FCRL4: variants seen among roughly 807,000 people sequenced by gnomAD.
FCRL4 encodes Fc receptor like 4.
FCRL4 carries 43 observed loss-of-function variants against 64.1 expected under a neutral mutation model. That is an observed-to-expected ratio of 0.67 (90% confidence interval 0.53 to 0.87). The LOEUF is 0.87. FCRL4 is among the 40% of genes least tolerant of loss of function. The pLI is 0.00. For missense variants in FCRL4, 656 were observed against 613.5 expected, an observed-to-expected ratio of 1.07 and a Z score of -0.73; for synonymous variants, 253 against 239.8, an observed-to-expected ratio of 1.05 and a Z score of -0.51.
In FCRL4 at chr1:157,574,496, T is replaced by C. The variant is rs530539737; in HGVS notation, c.*1028A>G. The C allele has an allele frequency of 9.0e-5, 19 of 210,730 alleles. No homozygotes were observed. In the East Asian group the frequency reaches 1.4e-3, roughly 15 times the overall value. 13.1% of individuals were successfully genotyped at this position (210,730 alleles called of 1,614,324 possible). On this transcript the variant is annotated 3_prime_UTR_variant, in exon 12 of 12. Coordinates refer to ENST00000271532, the MANE Select transcript of FCRL4 (RefSeq NM_031282.3). ...TTTAACCAGTAGGTGTATCATGAAATATCCATACAAATTTGTGGCTTCCTA... is the reference window on the plus strand; with the variant it reads ...TTTAACCAGTAGGTGTATCATGAAACATCCATACAAATTTGTGGCTTCCTA...
chr1:157,580,195 T>C lies in FCRL4; in HGVS notation c.1277+126A>G. The C allele has an allele frequency of 3.1e-6, 3 of 983,308 alleles. No individual in the cohort carries two copies. In the Admixed American group the frequency reaches 5.7e-5, roughly 19 times the overall value. 60.9% of individuals were successfully genotyped at this position (983,308 alleles called of 1,614,324 possible). On this transcript the variant is annotated intron_variant, in intron 8 of 11. Coordinates refer to ENST00000271532, the MANE Select transcript of FCRL4 (RefSeq NM_031282.3). ...CTTCATTTTTGACAAATTCATGGAG[T>C]GTGAAAATGGAAGTATCTAGCCACA...
At chr1:157,588,188 CA>C in intron 3 of FCRL4, 69 bp from the exon 4 acceptor site, 1 of 1,512,354 alleles carries the variant, frequency 6.6e-7, no homozygotes, top group Non-Finnish European at 8.8e-7. Flanking sequence ...TCTTGAATTA[CA>C]AAGGCTTTAT....
Position 157,587,319 on chromosome 1 carries a change from A to C in FCRL4, c.804T>G (p.Gly268=). The change falls in exon 5 of 12, where the codon GGT becomes GGG. Residue 268 remains glycine, a synonymous_variant. Coordinates refer to ENST00000271532, the MANE Select transcript of FCRL4 (RefSeq NM_031282.3). The part of the protein sequence containing the change: ...SYWCGAETVR[G]NIHKHSPSLQ... The stretch of plus-strand genomic sequence containing the variant: ...GCGAGGGACTGTGCTTGTGGATGTT[A>C]CCCCTCACTGTTTCAGCACCACACC... 1 of 1,614,166 alleles carries C rather than the reference A, an allele frequency of 6.2e-7. No homozygotes were observed. Among genetic ancestry groups the C allele is most frequent in the Non-Finnish European group, 8.5e-7 (1 of 1,180,020 alleles).
chr1:157,575,596 G>A lies in FCRL4; in HGVS notation c.1476C>T (p.Val492=). 6.2e-7 allele frequency: 1 copy of A among 1,613,496 alleles called. No individual in the cohort carries two copies. The highest frequency in any genetic ancestry group is 1.7e-5 in the Admixed American group (1 of 60,020). Residue 492 remains valine, a synonymous_variant, in exon 12 of 12, where the codon GTC becomes GTT. Transcript: ENST00000271532. ...TLLEDKDVSV[V]YSEVKTQHPD... ...GGTGTTGTGTCTTTACCTCAGAGTA[G>A]ACAACTGAGACATCCTGAAATGGAA... is the stretch of plus-strand genomic sequence containing the variant.
chr1:157,593,194 C>A (rs1018422700), intron 2 of FCRL4, among the ~76,000 whole-genome samples: 7 of 152,032 alleles, frequency 4.6e-5, no homozygotes, highest in Non-Finnish European at 1.0e-4. Flanking sequence ...AGGTAACAAA[C>A]CTGCATGTTG....
intron 4 of FCRL4, 67 bp from the exon 5 acceptor site, chr1:157,587,627 G>T: frequency 3.3e-6 from 5 of 1,518,482 alleles, no homozygotes; most frequent in Non-Finnish European, 4.5e-6. Context: ...AGACAGGTTT[G>T]GATGCTCAGT....
At chr1:157,575,964 C>A (rs1652402708) in intron 10 of FCRL4, among the ~76,000 whole-genome samples, 1 of 152,164 alleles carries the variant, frequency 6.6e-6, no homozygotes, top group South Asian at 2.1e-4. Context: ...TCCATCAATA[C>A]CACACTAAGA....
intron 2 of FCRL4, among the ~76,000 whole-genome samples, chr1:157,594,872 G>A (rs557708329): frequency 3.1e-4 from 47 of 152,078 alleles, no homozygotes; most frequent in Middle Eastern, 3.2e-3. Flanking sequence ...TGTTTGGTAA[G>A]GTGAAACATC....
rs200058956 is a variant in FCRL4 at position 157,588,005 on chromosome 1, T to C, written c.422A>G (p.Asn141Ser). ...LTAVKYTWNG[N>S]ILSISNKSWD... Reference sequence around the variant, plus strand: ...GCTTTTATTAGAAATGGAAAGAATGTTTCCATTCCAAGTATATTTCACAGC... The same window carrying C: ...GCTTTTATTAGAAATGGAAAGAATGCTTCCATTCCAAGTATATTTCACAGC... Residue 141 changes from asparagine to serine, a missense_variant, in exon 4 of 12, where the codon AAC becomes AGC. Asn to Ser is a conservative substitution (Grantham distance 46). Coordinates refer to ENST00000271532, the MANE Select transcript of FCRL4 (RefSeq NM_031282.3). 3 of 1,613,154 alleles carry C rather than the reference T, an allele frequency of 1.9e-6. No homozygotes were observed. The highest frequency in any genetic ancestry group is 2.5e-6 in the Non-Finnish European group (3 of 1,179,598).
At chr1:157,580,865 A>G (rs189192701) in intron 7 of FCRL4, among the ~76,000 whole-genome samples, 148 of 152,344 alleles carry the variant, frequency 9.7e-4, no homozygotes, top group African/African-American at 3.2e-3. Flanking sequence ...GAGCTGAAAA[A>G]GGTTCTGCTC....
chr1:157,581,643 C>A lies in FCRL4; in HGVS notation c.1137G>T (p.Glu379Asp), dbSNP rs755630731. 6.2e-7 allele frequency: 1 copy of A among 1,612,668 alleles called. No individual in the cohort carries two copies. Among genetic ancestry groups the A allele is most frequent in the South Asian group, 1.1e-5 (1 of 90,980 alleles). ...CAAGGCCATCTCTGTTGCCTGGGGTCTCTAAGGGGAAAGGACCTGTGTGAA... is the reference window on the plus strand; with the variant it reads ...CAAGGCCATCTCTGTTGCCTGGGGTATCTAAGGGGAAAGGACCTGTGTGAA... ...QSMVLNVTVRETPGNRDGLVA... is the reference protein window; with the variant it reads ...QSMVLNVTVRDTPGNRDGLVA... Residue 379 changes from glutamate (E) to aspartate (D), a missense_variant and splice_region_variant, in exon 7 of 12, where the codon GAG (glutamate) becomes GAT (aspartate). Glu to Asp is a conservative substitution (Grantham distance 45, BLOSUM62 2). Transcript: ENST00000271532.
intron 7 of FCRL4, 195 bp from the exon 8 acceptor site, chr1:157,580,543 C>G (rs920984905): frequency 3.4e-6 from 2 of 592,752 alleles, no homozygotes; most frequent in Non-Finnish European, 6.1e-6. Flanking sequence ...GGACTGCACA[C>G]TCCTGAGTTA....
intron 8 of FCRL4, among the ~76,000 whole-genome samples, chr1:157,579,323 T>C (rs1652493866): frequency 6.6e-6 from 1 of 152,182 alleles, no homozygotes; most frequent in Admixed American, 6.5e-5. Context: ...GAAACTGAGA[T>C]GATGCCATTG....
At position 157,596,257 on chromosome 1, in the gene FCRL4, A is replaced by C. The variant is rs1652961845; in HGVS notation, c.52+71T>G. 4 of 1,503,112 alleles carry C rather than the reference A, an allele frequency of 2.7e-6. No homozygotes were observed. The South Asian group carries it at 4.5e-5, about 17-fold the overall frequency. 93.1% of individuals were successfully genotyped at this position (1,503,112 alleles called of 1,614,324 possible). On this transcript the variant is annotated intron_variant, in intron 2 of 11. Coordinates refer to ENST00000271532, the MANE Select transcript of FCRL4 (RefSeq NM_031282.3). Reference sequence around the variant, plus strand: ...TGAAATGGACAACAGGGACTCTTGTAAGTATTTGAGATAAAATATAGTTAT... The same window carrying C: ...TGAAATGGACAACAGGGACTCTTGTCAGTATTTGAGATAAAATATAGTTAT...
chr1:157,595,970 C>G (rs1652953521), intron 2 of FCRL4, among the ~76,000 whole-genome samples: 1 of 152,182 alleles, frequency 6.6e-6, no homozygotes, highest in African/African-American at 2.4e-5. Flanking sequence ...CCAGCCTCCC[C>G]CTCTGAAGTA....
At chr1:157,582,945 T>G (rs1036085598) in intron 6 of FCRL4, among the ~76,000 whole-genome samples, 9 of 152,184 alleles carry the variant, frequency 5.9e-5, no homozygotes, top group Non-Finnish European at 1.3e-4. Context: ...AGGCCTAGGA[T>G]TCTAGACTCA....
At chr1:157,585,367 T>TTTCTTTCTTTCTTTCTTTCTTTCC (rs1652660519) in intron 6 of FCRL4, among the ~76,000 whole-genome samples, 1 of 117,816 alleles carries the variant, frequency 8.5e-6, no homozygotes, top group Non-Finnish European at 1.8e-5. Flanking sequence ...TCTTTCTTTC[T>TTTCTTTCTTTCTTTCTTTCTTTCC]TTCTTTCTTT....
chr1:157,576,036 G>C lies in FCRL4; in HGVS notation c.1430-306C>G, dbSNP rs572818668. ...AATTTTTTTCTTAGTTTTAGTTCTT[G>C]CTTCTCTTAACTTACAATACTGTCA... On this transcript the variant is annotated intron_variant, in intron 10 of 11. Coordinates refer to ENST00000271532, the MANE Select transcript of FCRL4 (RefSeq NM_031282.3). Among the ~76,000 whole-genome samples, 31 of 152,170 alleles carry C rather than the reference G, an allele frequency of 2.0e-4. No individual in the cohort carries two copies. The South Asian group carries it at 5.8e-3, about 29-fold the overall frequency.
At position 157,582,432 on chromosome 1, in the gene FCRL4, G is replaced by A. The variant is rs372118119; in HGVS notation, c.1136-788C>T. Among the ~76,000 whole-genome samples the A allele has an allele frequency of 5.9e-5, 9 of 152,218 alleles. No homozygotes were observed. The South Asian group carries it at 1.7e-3, about 28-fold the overall frequency. ...ATAAACAAATAAATAAATTTATACC[G>A]TGCCCTGTAGTGATGCGCTAAAGAG... On this transcript the variant is annotated intron_variant, in intron 6 of 11. Transcript: ENST00000271532.
Sources: gnomAD v4.1 joint callset for allele counts (sites outside exome capture counted in the v4.1 genomes callset) on GRCh38, gnomAD v4.1.1 for gene constraint, MANE v1.5 for transcripts, NCBI Gene and HGNC (gene_info 2026-07-23, HGNC 2026-07-21) for gene names.